UBE2E3: variants seen among roughly 807,000 people sequenced by gnomAD.
UBE2E3 encodes ubiquitin-conjugating enzyme E2 E3.
In UBE2E3, 5 loss-of-function variants were observed where a neutral mutation model predicts 23.6. The observed-to-expected ratio is 0.21, with a 90% confidence interval of 0.11 to 0.44. The LOEUF (loss-of-function observed/expected upper bound fraction) is 0.44, where lower values mean the gene tolerates loss of function less well. UBE2E3 is among the 20% of genes least tolerant of loss of function. The pLI, the probability that UBE2E3 is intolerant of heterozygous loss-of-function variation, is 0.99. For missense variants in UBE2E3, 81 were observed against 249.8 expected (o/e 0.32, Z 4.55); for synonymous variants, 78 against 87.5 (o/e 0.89, Z 0.60).
At chr2:181,049,415 A>G (rs1019506069) in intron 3 of UBE2E3, among the ~76,000 whole-genome samples, 1 of 152,010 alleles carries the variant, frequency 6.6e-6, no homozygotes, top group Non-Finnish European at 1.5e-5. Flanking sequence ...TGTTTTTTAA[A>G]TTATTTCACC....
intron 3 of UBE2E3, among the ~76,000 whole-genome samples, chr2:181,029,069 T>G (rs543567079): frequency 6.6e-6 from 1 of 152,230 alleles, no homozygotes. Flanking sequence ...TAACTATTTG[T>G]TTTAGTAACT....
chr2:181,060,063 T>A (rs1687099016), intron 4 of UBE2E3, among the ~76,000 whole-genome samples: 1 of 151,714 alleles, frequency 6.6e-6, no homozygotes, highest in South Asian at 2.1e-4. Flanking sequence ...AAAACCTTGT[T>A]TATTTTATTT....
At chr2:181,045,615 C>G (rs1299777570) in intron 3 of UBE2E3, among the ~76,000 whole-genome samples, 2 of 152,148 alleles carry the variant, frequency 1.3e-5, no homozygotes, top group Admixed American at 1.3e-4. Context: ...CAGACTAATA[C>G]ATCAGAATCT....
intron 3 of UBE2E3, among the ~76,000 whole-genome samples, chr2:180,991,324 C>G (rs917260337): frequency 4.3e-4 from 66 of 152,072 alleles, no homozygotes; most frequent in Non-Finnish European, 1.9e-4. Context: ...TACATACATA[C>G]CTATGATACG....
chr2:181,016,759 T>C (rs1465182055), intron 3 of UBE2E3, among the ~76,000 whole-genome samples: 1 of 152,256 alleles, frequency 6.6e-6, no homozygotes, highest in Non-Finnish European at 1.5e-5. Flanking sequence ...TCATATATTT[T>C]ACTTAAATAT....
intron 3 of UBE2E3, among the ~76,000 whole-genome samples, chr2:181,030,680 G>T (rs1328991795): frequency 6.6e-6 from 1 of 152,078 alleles, no homozygotes; most frequent in East Asian, 1.9e-4. Context: ...GTAAAACTAT[G>T]TGGACCTGGT....
At chr2:180,980,593 C>G (rs187042945), upstream of UBE2E3, 1 of 148,796 alleles carries the variant, frequency 6.7e-6, no homozygotes, top group African/African-American at 2.4e-5. The surrounding 1 kb of genome is among the most constrained non-coding windows in gnomAD (Gnocchi z 5.5). Context: ...CCCTCCCCCC[C>G]GCGCTCGCCT....
chr2:181,021,521 T>C (rs1277214552), intron 3 of UBE2E3, among the ~76,000 whole-genome samples: 4 of 142,000 alleles, frequency 2.8e-5, no homozygotes, highest in African/African-American at 1.1e-4. Flanking sequence ...CTTTCTTTTA[T>C]TCTTTCTTTA....
intron 3 of UBE2E3, among the ~76,000 whole-genome samples, chr2:180,993,104 G>A (rs1684715543): frequency 6.6e-6 from 1 of 152,170 alleles, no homozygotes; most frequent in Non-Finnish European, 1.5e-5. Flanking sequence ...CATTCTATCA[G>A]TTTTATAAGG....
At chr2:181,002,741 A>G (rs987855586) in intron 3 of UBE2E3, among the ~76,000 whole-genome samples, 2 of 152,234 alleles carry the variant, frequency 1.3e-5, no homozygotes, top group Admixed American at 1.3e-4. Flanking sequence ...TAAAATAGCC[A>G]CAGGTAGCTA....
intron 3 of UBE2E3, among the ~76,000 whole-genome samples, chr2:181,042,919 AT>A (rs1296648952): frequency 6.6e-6 from 1 of 152,132 alleles, no homozygotes; most frequent in Non-Finnish European, 1.5e-5. Context: ...AGATTTTTAG[AT>A]CTTGTGTGAT....
At chr2:181,055,057 A>T (rs1245199967) in intron 3 of UBE2E3, among the ~76,000 whole-genome samples, 1 of 151,734 alleles carries the variant, frequency 6.6e-6, no homozygotes. Flanking sequence ...TGTAGTGATG[A>T]GGTCATTGGT....
chr2:181,019,842 T>G lies in UBE2E3; in HGVS notation c.245+35749T>G, dbSNP rs554481118. Among the ~76,000 whole-genome samples, 15 of 152,324 alleles carry G rather than the reference T, an allele frequency of 9.8e-5. No homozygotes were observed. In the East Asian group the frequency reaches 1.9e-3, roughly 20 times the overall value. On this transcript the variant is annotated intron_variant, in intron 3 of 5. Coordinates refer to ENST00000410062, the MANE Select transcript of UBE2E3 (RefSeq NM_006357.4). ...CATTTTCTTTTAATTTTTTTCTTTT[T>G]TTTGTGGTGAGAACATTTAAGATCT...
chr2:180,992,047 G>C lies in UBE2E3; in HGVS notation c.245+7954G>C, dbSNP rs1054138345. The stretch of plus-strand genomic sequence containing the variant: ...AAATTACTTACTACTCATGATGAAA[G>C]GGTATTTTCATTTGCTTTGCTTTCT... On this transcript the variant is annotated intron_variant, in intron 3 of 5. Transcript: ENST00000410062. Among the ~76,000 whole-genome samples the C allele has an allele frequency of 3.6e-4, 54 of 152,108 alleles. 1 individual carries two copies. Among genetic ancestry groups the C allele is most frequent in the African/African-American group, 1.2e-3 (49 of 41,416 alleles).
intron 3 of UBE2E3, among the ~76,000 whole-genome samples, chr2:181,027,597 T>A (rs1217959905): frequency 1.3e-5 from 2 of 151,954 alleles, no homozygotes; most frequent in Admixed American, 6.6e-5. Context: ...GTGCTTTTTT[T>A]AAATTTGAAG....
Position 180,987,322 on chromosome 2 carries a change from T to G in UBE2E3, c.245+3229T>G, listed in dbSNP as rs970824994. 5.0e-5 allele frequency: 78 copies of G among 1,549,288 alleles called. No individual in the cohort carries two copies. The African/African-American group carries it at 9.2e-4, about 18-fold the overall frequency. The stretch of plus-strand genomic sequence containing the variant: ...TGATGTGTTATTAAGACATTTACTT[T>G]CCATCTGTTTCCCAGAGGGTGTCCT... On this transcript the variant is annotated intron_variant, in intron 3 of 5. Coordinates refer to ENST00000410062, the MANE Select transcript of UBE2E3 (RefSeq NM_006357.4).
At chr2:181,008,351 A>G (rs926372732) in intron 3 of UBE2E3, among the ~76,000 whole-genome samples, 1 of 152,230 alleles carries the variant, frequency 6.6e-6, no homozygotes. Flanking sequence ...ACTGAGGTAC[A>G]GAGAGAAGTT....
intron 3 of UBE2E3, among the ~76,000 whole-genome samples, chr2:181,039,980 TTC>T (rs1384159552): frequency 2.0e-5 from 3 of 152,226 alleles, no homozygotes; most frequent in Non-Finnish European, 4.4e-5. Flanking sequence ...TCTGCATATT[TTC>T]TGTTTGTGGT....
chr2:181,010,566 G>A (rs1685293629), intron 3 of UBE2E3, among the ~76,000 whole-genome samples: 1 of 152,240 alleles, frequency 6.6e-6, no homozygotes, highest in Non-Finnish European at 1.5e-5. Context: ...TCTAATGTAA[G>A]AAAGATGATC....
Sources: allele counts gnomAD v4.1 joint callset (sites outside exome capture counted in the v4.1 genomes callset), GRCh38; gene constraint gnomAD v4.1.1; non-coding constraint Gnocchi (gnomAD v3.1); transcripts MANE v1.5; gene names NCBI Gene and HGNC (gene_info 2026-07-23, HGNC 2026-07-21).